Variants in RBFOX1 observed in about 807,000 individuals in gnomAD.
RBFOX1 encodes RNA binding protein fox-1 homolog 1.
In RBFOX1, 8 loss-of-function variants were observed where a neutral mutation model predicts 57.7. The observed-to-expected ratio is 0.14, with a 90% confidence interval of 0.08 to 0.25. RBFOX1 has a LOEUF of 0.25. Ranked by LOEUF, RBFOX1 falls within the 10% of genes least tolerant of loss-of-function variation. The pLI is 1.00. For synonymous variants in RBFOX1, 326 were observed against 222.4 expected (o/e 1.47, Z -4.15); for missense variants, 611 against 548.5 (o/e 1.11, Z -1.14).
At chr16:6,962,786 G>T (rs1423909255) in intron 3 of RBFOX1, among the ~76,000 whole-genome samples, 1 of 152,086 alleles carries the variant, frequency 6.6e-6, no homozygotes, top group African/African-American at 2.4e-5. Context: ...GATCACTTGA[G>T]CCCAGGAGAT....
intron 1 of RBFOX1, among the ~76,000 whole-genome samples, chr16:6,130,033 G>A (rs1299854607): frequency 6.6e-6 from 1 of 152,100 alleles, no homozygotes; most frequent in Non-Finnish European, 1.5e-5. Context: ...CAAGGGACAT[G>A]ATCAAATATG....
intron 2 of RBFOX1, among the ~76,000 whole-genome samples, chr16:5,579,651 G>T (rs957778821): frequency 6.6e-6 from 1 of 152,136 alleles, no homozygotes; most frequent in Non-Finnish European, 1.5e-5. Flanking sequence ...ATTCTTAGGG[G>T]AAACCTTCCC....
Position 7,049,763 on chromosome 16 carries a change from G to C in RBFOX1, c.-15-2294G>C, listed in dbSNP as rs142012019. Among the ~76,000 whole-genome samples the C allele has an allele frequency of 4.6e-5, 7 of 152,230 alleles. No individual in the cohort carries two copies. In the East Asian group the frequency reaches 1.4e-3, roughly 29 times the overall value. On this transcript the variant is annotated intron_variant, in intron 3 of 15. Transcript: ENST00000550418. ...CCATGCATTCTATACAGATTTCCTT[G>C]CTGCATTCAGTGGGGGAAACAGGAT...
chr16:7,624,519 T>G (rs1347360272), intron 10 of RBFOX1, among the ~76,000 whole-genome samples: 1 of 152,170 alleles, frequency 6.6e-6, no homozygotes, highest in Non-Finnish European at 1.5e-5. Context: ...CACATGGAGT[T>G]CAACAGATGT....
chr16:7,374,906 C>A (rs945451961), intron 4 of RBFOX1, among the ~76,000 whole-genome samples: 7 of 152,158 alleles, frequency 4.6e-5, no homozygotes, highest in Non-Finnish European at 8.8e-5. Context: ...GACCTGCCAG[C>A]ACTAGTATTT....
chr16:6,708,935 C>A (rs1452000555), intron 3 of RBFOX1, among the ~76,000 whole-genome samples: 1 of 152,034 alleles, frequency 6.6e-6, no homozygotes, highest in African/African-American at 2.4e-5. Context: ...AAGCCAACAT[C>A]ATAGTGGCCT....
chr16:7,353,811 T>C (rs565285733), intron 4 of RBFOX1, among the ~76,000 whole-genome samples: 66 of 151,800 alleles, frequency 4.3e-4, no homozygotes, highest in African/African-American at 1.5e-3. Flanking sequence ...GGGGAGAGAG[T>C]ATGGGAAGCG....
chr16:6,001,742 C>T (rs1180893468), intron 4 of RBFOX1, among the ~76,000 whole-genome samples: 1 of 152,066 alleles, frequency 6.6e-6, no homozygotes, highest in East Asian at 1.9e-4. Flanking sequence ...AATATCAACT[C>T]TATAAGAGTG....
chr16:7,454,245 C>G (rs536526288), intron 4 of RBFOX1, among the ~76,000 whole-genome samples: 3 of 152,006 alleles, frequency 2.0e-5, no homozygotes, highest in African/African-American at 2.4e-5. Flanking sequence ...ACCAACCCCC[C>G]CAAAAAAAGT....
intron 5 of RBFOX1, chr16:7,519,601 A>T (rs1299596409): frequency 2.4e-5 from 13 of 546,786 alleles, no homozygotes; most frequent in Non-Finnish European, 3.0e-5. Context: ...CACCTAAAGT[A>T]ATCATGCATA....
intron 3 of RBFOX1, among the ~76,000 whole-genome samples, chr16:6,957,021 A>C (rs942818824): frequency 6.6e-6 from 1 of 152,188 alleles, no homozygotes; most frequent in African/African-American, 2.4e-5. Context: ...GAAAGGAAAG[A>C]AATAAAAGAA....
At chr16:6,813,875 C>T (rs77783589) in intron 3 of RBFOX1, among the ~76,000 whole-genome samples, 1 of 152,088 alleles carries the variant, frequency 6.6e-6, no homozygotes, top group Non-Finnish European at 1.5e-5. Flanking sequence ...CAGCCAGCCC[C>T]TTGTTAGGTA....
intron 1 of RBFOX1, among the ~76,000 whole-genome samples, chr16:6,297,439 C>A (rs917991638): frequency 5.3e-5 from 8 of 152,100 alleles, no homozygotes; most frequent in African/African-American, 1.7e-4. Flanking sequence ...CCAGCCTCTA[C>A]TTACTGGTGG....
rs546688446 is a variant in RBFOX1 at position 5,953,084 on chromosome 16, G to A, written c.351+85749G>A. Among the ~76,000 whole-genome samples the A allele has an allele frequency of 3.6e-5, 5 of 137,956 alleles. No individual in the cohort carries two copies. In the South Asian group the frequency reaches 1.0e-3, roughly 27 times the overall value. 90.5% of individuals were successfully genotyped at this position (137,956 alleles called of 152,430 possible). A position where few individuals can be genotyped will look rare whatever the true frequency, so the allele number is the denominator to read the frequency against. Reference sequence around the variant, plus strand: ...AAGAAAGTACCACTGATTTAGCTCTGCCTCTGTAGATTCTGTGTCAATTGG... The same window carrying A: ...AAGAAAGTACCACTGATTTAGCTCTACCTCTGTAGATTCTGTGTCAATTGG... On this transcript the variant is annotated intron_variant, in intron 4 of 19. Coordinates refer to the RBFOX1 transcript ENST00000641259.
chr16:6,777,219 T>C (rs1407850081), intron 3 of RBFOX1, among the ~76,000 whole-genome samples: 4 of 152,220 alleles, frequency 2.6e-5, no homozygotes. Flanking sequence ...CTGTAGGTAA[T>C]TATGTGCTAA....
chr16:6,205,863 CT>C (rs34261182), intron 1 of RBFOX1, among the ~76,000 whole-genome samples: 10 of 97,884 alleles, frequency 1.0e-4, no homozygotes, highest in Middle Eastern at 7.9e-3. Context: ...CGAGATCATA[CT>C]TTTTTTTTTT....
intron 2 of RBFOX1, among the ~76,000 whole-genome samples, chr16:6,569,149 G>A (rs934138790): frequency 2.6e-5 from 4 of 152,114 alleles, no homozygotes; most frequent in Admixed American, 6.5e-5. Flanking sequence ...TGTAAACTGA[G>A]GATATTTTGA....
At chr16:6,930,296 A>G (rs569985485) in intron 3 of RBFOX1, among the ~76,000 whole-genome samples, 9 of 152,332 alleles carry the variant, frequency 5.9e-5, no homozygotes, top group East Asian at 3.9e-4. Context: ...CAAAAGATAT[A>G]TACAAATGGC....
chr16:6,736,241 C>T (rs914024660), intron 3 of RBFOX1, among the ~76,000 whole-genome samples: 10 of 151,976 alleles, frequency 6.6e-5, no homozygotes, highest in African/African-American at 2.4e-5. Flanking sequence ...CGAGTAAGTT[C>T]TTTAGTGGTG....
Sources: gnomAD v4.1 joint callset for allele counts (sites outside exome capture counted in the v4.1 genomes callset) on GRCh38, gnomAD v4.1.1 for gene constraint, MANE v1.5 for transcripts, NCBI Gene and HGNC (gene_info 2026-07-23, HGNC 2026-07-21) for gene names.